The following EVA1C variants were observed in gnomAD, a reference collection of about 807,000 sequenced individuals.
EVA1C encodes eva-1 homolog C, also known as protein eva-1 homolog C.
EVA1C carries 25 observed loss-of-function variants against 45.4 expected under a neutral mutation model. The observed-to-expected ratio is 0.55, with a 90% CI of 0.40 to 0.77. EVA1C has a LOEUF of 0.77. Ranked by LOEUF, EVA1C falls within the 30% of genes least tolerant of loss-of-function variation. The pLI is 0.00. For missense variants in EVA1C, 479 were observed against 554.8 expected (o/e 0.86, Z 1.37); for synonymous variants, 190 against 221.2 (o/e 0.86, Z 1.25).
At chr21:32,421,928 C>T (rs2034287449) in intron 1 of EVA1C, among the ~76,000 whole-genome samples, 1 of 151,346 alleles carries the variant, frequency 6.6e-6, no homozygotes, top group Admixed American at 6.6e-5. Flanking sequence ...GCCTGTAATC[C>T]CAGCTAGTTG....
chr21:32,437,261 A>G (rs2034993591), intron 1 of EVA1C, among the ~76,000 whole-genome samples: 1 of 152,270 alleles, frequency 6.6e-6, no homozygotes, highest in African/African-American at 2.4e-5. Flanking sequence ...GGTCCCTCTC[A>G]GCATGGGGCC....
chr21:32,483,339 C>T (rs2036859343), intron 4 of EVA1C, among the ~76,000 whole-genome samples: 1 of 151,874 alleles, frequency 6.6e-6, no homozygotes, highest in Non-Finnish European at 1.5e-5. Flanking sequence ...CTAAACTTGC[C>T]CTTCACAAAG....
At chr21:32,466,399 A>G (rs2036174684) in intron 3 of EVA1C, among the ~76,000 whole-genome samples, 1 of 150,666 alleles carries the variant, frequency 6.6e-6, no homozygotes, top group South Asian at 2.1e-4. Flanking sequence ...AGCCTGGGCG[A>G]CAGAGCGAGA....
At chr21:32,448,585 A>T (rs1308836688) in intron 1 of EVA1C, among the ~76,000 whole-genome samples, 2 of 151,954 alleles carry the variant, frequency 1.3e-5, no homozygotes, top group Non-Finnish European at 2.9e-5. Context: ...AATAGACTTA[A>T]TGTGTTAGAG....
chr21:32,467,905 A>AATAT (rs34623485), intron 4 of EVA1C, 57 bp downstream of exon 4: 91,112 of 1,021,348 alleles, frequency 0.089, 4,812 homozygotes, highest in East Asian at 0.21. Flanking sequence ...GAATTAATAG[A>AATAT]ATATATATAT....
chr21:32,413,068 A>C, intron 1 of EVA1C, 55 bp downstream of exon 1: 1 of 1,297,454 alleles, frequency 7.7e-7, no homozygotes, highest in Non-Finnish European at 9.9e-7. Flanking sequence ...GCCCAGGTGA[A>C]CCCTCGACTG....
chr21:32,432,595 G>A (rs1255078804), intron 1 of EVA1C, among the ~76,000 whole-genome samples: 1 of 152,112 alleles, frequency 6.6e-6, no homozygotes, highest in Non-Finnish European at 1.5e-5. Flanking sequence ...TTTGCTGAGG[G>A]CTACACTGTG....
At chr21:32,433,080 AT>A (rs953355529) in intron 1 of EVA1C, 2 of 152,098 alleles carry the variant, frequency 1.3e-5, no homozygotes, top group Admixed American at 6.6e-5. Context: ...TCCAGGAATA[AT>A]TTCTGTTAAG....
intron 4 of EVA1C, among the ~76,000 whole-genome samples, chr21:32,472,579 T>G (rs2036415592): frequency 6.6e-6 from 1 of 151,652 alleles, no homozygotes; most frequent in Non-Finnish European, 1.5e-5. Context: ...GAGGTTGCAG[T>G]GAGCTATGAT....
chr21:32,474,045 A>C lies in EVA1C; in HGVS notation c.634+6197A>C. On this transcript the variant is annotated intron_variant, in intron 4 of 7. Transcript: ENST00000300255. The surrounding 1 kb of genome is among the most constrained non-coding windows in gnomAD (Gnocchi z 4.4). ...TGGGCTCAAGCAATTCTCTCACCTC[A>C]GCCTCCTGAGTAGCTGGGACTACAG... 7.9e-5 allele frequency: 54 copies of C among 684,698 alleles called. No homozygotes were observed. Among genetic ancestry groups the C allele is most frequent in the South Asian group, 1.3e-4 (2 of 15,134 alleles). The allele number at this position is 684,698 out of a possible 1,614,324, so 42.4% of individuals were successfully genotyped here.
chr21:32,504,538 T>C (rs546940901), intron 7 of EVA1C, among the ~76,000 whole-genome samples: 247 of 152,304 alleles, frequency 1.6e-3, no homozygotes, highest in African/African-American at 5.8e-3. Context: ...AGAAGGCTTA[T>C]ACCAAGGCCG....
chr21:32,418,328 A>C (rs1481020513), intron 1 of EVA1C, among the ~76,000 whole-genome samples: 1 of 152,192 alleles, frequency 6.6e-6, no homozygotes, highest in East Asian at 1.9e-4. Flanking sequence ...CCAGTGTCTG[A>C]ATCTGCTCAT....
In EVA1C at chr21:32,466,968, T is replaced by C. The variant is rs569089428; in HGVS notation, c.482-728T>C. Among the ~76,000 whole-genome samples, 5 of 152,200 alleles carry C rather than the reference T, an allele frequency of 3.3e-5. No homozygotes were observed. The South Asian group carries it at 8.3e-4, about 25-fold the overall frequency. On this transcript the variant is annotated intron_variant, in intron 3 of 7. Coordinates refer to ENST00000300255, the MANE Select transcript of EVA1C (RefSeq NM_058187.5). ...GTGTGAGCCACTGTGCCCGGCCTCT[T>C]TCTTGTCTTTTAAACAAATAAATGT...
In EVA1C at chr21:32,515,295, A is replaced by G; in HGVS notation, c.*105A>G. ...TACCTTCTATGAAGGAGAATTCGTC[A>G]TGTCATTCAACACTCGTGAGGCCAG... On this transcript the variant is annotated 3_prime_UTR_variant, in exon 8 of 8. Coordinates refer to ENST00000300255, the MANE Select transcript of EVA1C (RefSeq NM_058187.5). 7.8e-7 allele frequency: 1 copy of G among 1,281,440 alleles called. No homozygotes were observed. Among genetic ancestry groups the G allele is most frequent in the Non-Finnish European group, 1.1e-6 (1 of 932,334 alleles). The allele number at this position is 1,281,440 out of a possible 1,614,324, so 79.4% of individuals were successfully genotyped here.
intron 3 of EVA1C, among the ~76,000 whole-genome samples, chr21:32,461,921 AG>A (rs1273902626): frequency 6.6e-6 from 1 of 152,130 alleles, no homozygotes; most frequent in Non-Finnish European, 1.5e-5. Context: ...TGGGCAGTGT[AG>A]GGACACTTTC....
At chr21:32,451,259 G>A (rs1304228497) in intron 1 of EVA1C, among the ~76,000 whole-genome samples, 1 of 152,098 alleles carries the variant, frequency 6.6e-6, no homozygotes, top group African/African-American at 2.4e-5. Flanking sequence ...CCTCCTTCAC[G>A]CCACCTCCTC....
chr21:32,498,031 G>A (rs980331121), intron 5 of EVA1C, among the ~76,000 whole-genome samples: 1 of 152,160 alleles, frequency 6.6e-6, no homozygotes, highest in African/African-American at 2.4e-5. Flanking sequence ...CTGAGATGAA[G>A]GTGAGCTTTC....
chr21:32,497,341 G>A, intron 5 of EVA1C: 2 of 519,672 alleles, frequency 3.8e-6, no homozygotes, highest in Non-Finnish European at 3.5e-6. Context: ...TGGGTCCGTT[G>A]AGCCAAGAAA....
At chr21:32,477,285 T>G (rs556647271) in intron 4 of EVA1C, among the ~76,000 whole-genome samples, 1 of 152,228 alleles carries the variant, frequency 6.6e-6, no homozygotes, top group East Asian at 1.9e-4. Flanking sequence ...CCCCAACTCG[T>G]GCTCACTGCC....
Sources: gnomAD v4.1 joint callset for allele counts (sites outside exome capture counted in the v4.1 genomes callset) on GRCh38, gnomAD v4.1.1 for gene constraint, Gnocchi (gnomAD v3.1) non-coding constraint, MANE v1.5 for transcripts, NCBI Gene and HGNC (gene_info 2026-07-23, HGNC 2026-07-21) for gene names.